The following DISC1 variants were observed in gnomAD, a reference collection of about 807,000 sequenced individuals.
DISC1 encodes disrupted in schizophrenia 1 protein.
In DISC1, 57 loss-of-function variants were observed where a neutral mutation model predicts 84.5. That is an observed-to-expected ratio of 0.67 (90% CI 0.55 to 0.84). The LOEUF (loss-of-function observed/expected upper bound fraction) is 0.84, where lower values mean the gene tolerates loss of function less well. Ranked by LOEUF, DISC1 falls within the 40% of genes least tolerant of loss-of-function variation. The probability of loss-of-function intolerance (pLI) is 0.00; values close to 1 mark genes in which losing one functional copy is unlikely to be tolerated. For synonymous variants in DISC1, 411 were observed against 415.2 expected, an observed-to-expected ratio of 0.99 and a Z score of 0.12; for missense variants, 1,000 against 1,057.8, an observed-to-expected ratio of 0.95 and a Z score of 0.76.
At chr1:231,927,885 C>T (rs1393282332) in intron 9 of DISC1, among the ~76,000 whole-genome samples, 1 of 152,236 alleles carries the variant, frequency 6.6e-6, no homozygotes, top group African/African-American at 2.4e-5. Flanking sequence ...TGTCTCACCA[C>T]AAGTTGATGC....
chr1:231,902,536 G>A (rs2088266487), intron 9 of DISC1, among the ~76,000 whole-genome samples: 2 of 152,018 alleles, frequency 1.3e-5, no homozygotes, highest in Admixed American at 1.3e-4. Context: ...AGCAGAATGA[G>A]GTTGCAGTGA....
At chr1:231,958,716 C>A in intron 9 of DISC1, 112 bp from the exon 10 acceptor site, 1 of 1,060,604 alleles carries the variant, frequency 9.4e-7, no homozygotes, top group Non-Finnish European at 1.4e-6. Flanking sequence ...TAGAATGTTA[C>A]GATTACTAGT....
chr1:231,877,998 A>G (rs1160432971), intron 9 of DISC1, among the ~76,000 whole-genome samples: 1 of 152,262 alleles, frequency 6.6e-6, no homozygotes, highest in Non-Finnish European at 1.5e-5. Context: ...GCAGAAAGGA[A>G]TTAAACATTA....
intron 8 of DISC1, among the ~76,000 whole-genome samples, chr1:231,807,761 C>CT (rs541115465): frequency 4.6e-4 from 70 of 152,278 alleles, no homozygotes; most frequent in African/African-American, 1.5e-3. Flanking sequence ...TCTCACTCAC[C>CT]TTTTTTAATC....
At chr1:231,868,735 T>TATATATATATATATATATATATA (rs2085244887) in intron 9 of DISC1, among the ~76,000 whole-genome samples, 3 of 120,648 alleles carry the variant, frequency 2.5e-5, no homozygotes, top group Non-Finnish European at 5.2e-5. Flanking sequence ...TATATATATA[T>TATATATATATATATATATATATA]TTAGCTGGGC....
intron 10 of DISC1, among the ~76,000 whole-genome samples, chr1:231,989,956 A>G (rs1664981330): frequency 6.6e-6 from 1 of 152,170 alleles, no homozygotes; most frequent in Admixed American, 6.5e-5. Context: ...ACTTCCAGGC[A>G]GAGGGCATCT....
chr1:231,762,077 T>C (rs2075711770), intron 4 of DISC1, among the ~76,000 whole-genome samples: 1 of 152,128 alleles, frequency 6.6e-6, no homozygotes, highest in Non-Finnish European at 1.5e-5. Flanking sequence ...ATTTTATCTT[T>C]TTTTCTTTCT....
intron 4 of DISC1, among the ~76,000 whole-genome samples, chr1:231,758,364 T>C (rs1478008639): frequency 2.0e-5 from 3 of 152,102 alleles, no homozygotes; most frequent in Admixed American, 1.3e-4. Flanking sequence ...GTGGATTTTT[T>C]TTTTCCCACT....
Position 231,767,254 on chromosome 1 carries a change from A to G in DISC1, c.1383A>G (p.Glu461=), listed in dbSNP as rs2076233804. The change falls in exon 5 of 13, where the codon GAA becomes GAG. Residue 461 remains glutamate, a synonymous_variant. Transcript: ENST00000439617. ...CGAGACGAGACTGGCTTCTTCAGGA[A>G]AAGCAGCAGCTACAGGTGAGCAGGT... ...SITRRDWLLQ[E]KQQLQKEIEA... 6.2e-7 allele frequency: 1 copy of G among 1,614,068 alleles called. No individual in the cohort carries two copies. Among genetic ancestry groups the G allele is most frequent in the African/African-American group, 1.3e-5 (1 of 74,928 alleles).
At chr1:231,941,460 T>C (rs1358787731) in intron 9 of DISC1, among the ~76,000 whole-genome samples, 1 of 149,394 alleles carries the variant, frequency 6.7e-6, no homozygotes, top group Non-Finnish European at 1.5e-5. Context: ...TGGGGTGCTC[T>C]CCCCATGAAA....
At chr1:231,787,526 A>T (rs1025769664) in intron 6 of DISC1, among the ~76,000 whole-genome samples, 28 of 152,158 alleles carry the variant, frequency 1.8e-4, no homozygotes, top group Non-Finnish European at 1.9e-4. Context: ...TCCCCCAGTA[A>T]TGATATCAAT....
chr1:231,707,154 G>A (rs1209174446), intron 3 of DISC1, among the ~76,000 whole-genome samples: 2 of 152,196 alleles, frequency 1.3e-5, no homozygotes, highest in Admixed American at 6.5e-5. Flanking sequence ...ATGCCATCTG[G>A]GGGCCCATGG....
chr1:231,984,007 T>G (rs1235186694), intron 10 of DISC1, among the ~76,000 whole-genome samples: 1 of 152,228 alleles, frequency 6.6e-6, no homozygotes, highest in African/African-American at 2.4e-5. Flanking sequence ...GTTAAATCGC[T>G]TGTCCACAAT....
chr1:231,881,726 G>T (rs1285980879), intron 9 of DISC1, among the ~76,000 whole-genome samples: 1 of 151,894 alleles, frequency 6.6e-6, no homozygotes, highest in East Asian at 1.9e-4. Context: ...CCCATTTCGT[G>T]TCTCATTCTG....
intron 9 of DISC1, among the ~76,000 whole-genome samples, chr1:231,899,708 A>T (rs1239961858): frequency 1.3e-5 from 2 of 152,194 alleles, no homozygotes; most frequent in East Asian, 3.9e-4. Context: ...ATCCCAGTGT[A>T]TTTTTAGTTT....
intron 3 of DISC1, among the ~76,000 whole-genome samples, chr1:231,736,105 T>G (rs2072456794): frequency 6.6e-6 from 1 of 152,196 alleles, no homozygotes; most frequent in Non-Finnish European, 1.5e-5. Flanking sequence ...TGAGCCTCTG[T>G]GCCCAGCCCC....
chr1:231,882,012 G>A (rs920234302), intron 9 of DISC1, among the ~76,000 whole-genome samples: 9 of 152,176 alleles, frequency 5.9e-5, no homozygotes, highest in Admixed American at 2.6e-4. Flanking sequence ...CAGGGTCTGC[G>A]CCCAGGCTTG....
chr1:231,845,744 T>G (rs2083406462), intron 9 of DISC1, among the ~76,000 whole-genome samples: 2 of 149,952 alleles, frequency 1.3e-5, no homozygotes, highest in East Asian at 2.0e-4. Flanking sequence ...GGAGGGAAAG[T>G]GATAGGTTGA....
chr1:232,032,099 A>G (rs1211644974), intron 12 of DISC1, among the ~76,000 whole-genome samples: 3 of 152,336 alleles, frequency 2.0e-5, no homozygotes, highest in South Asian at 4.1e-4. Context: ...CAAATCTGAA[A>G]TGTTCCAATG....
Sources: gnomAD v4.1 joint callset for allele counts (sites outside exome capture counted in the v4.1 genomes callset) on GRCh38, gnomAD v4.1.1 for gene constraint, MANE v1.5 for transcripts, NCBI Gene and HGNC (gene_info 2026-07-23, HGNC 2026-07-21) for gene names.